Variants in MYLIP observed in about 807,000 individuals in gnomAD.
The protein encoded by MYLIP is E3 ubiquitin-protein ligase MYLIP.
In MYLIP, 26 loss-of-function variants were observed where a neutral mutation model predicts 45.8. The ratio of observed to expected loss-of-function variants is 0.57; its 90% CI spans 0.42 to 0.79. MYLIP has a LOEUF of 0.79. Ranked by LOEUF, MYLIP falls within the 30% of genes least tolerant of loss-of-function variation. MYLIP has a pLI of 0.00. For synonymous variants in MYLIP, 213 were observed against 218.1 expected, an observed-to-expected ratio of 0.98 and a Z score of 0.21; for missense variants, 494 against 555.6, an observed-to-expected ratio of 0.89 and a Z score of 1.11.
At position 16,146,872 on chromosome 6, in the gene MYLIP, A is replaced by AAC. The variant is rs1561791477; in HGVS notation, c.*122_*123insCA. Reference sequence around the variant, plus strand: ...ACCCATCTGCCATGCGATGTTAAAAAAAAAAAAAAGGAAGAAAAATAACAC... The same window carrying AAC: ...ACCCATCTGCCATGCGATGTTAAAAAACAAAAAAAAAGGAAGAAAAATAACAC... On this transcript the variant is annotated 3_prime_UTR_variant, in exon 7 of 7. Transcript: ENST00000356840. 3.5e-6 allele frequency: 3 copies of AAC among 858,190 alleles called. No individual in the cohort carries two copies. The highest frequency in any genetic ancestry group is 5.2e-6 in the Non-Finnish European group (3 of 571,646). The allele number at this position is 858,190 out of a possible 1,614,324, so 53.2% of individuals were successfully genotyped here. A position where few individuals can be genotyped will look rare whatever the true frequency, so the allele number is the denominator to read the frequency against.
chr6:16,143,115 T>C lies in MYLIP; in HGVS notation c.560T>C (p.Ile187Thr). 3.1e-6 allele frequency: 5 copies of C among 1,614,212 alleles called. No individual in the cohort carries two copies. Among genetic ancestry groups the C allele is most frequent in the Non-Finnish European group, 3.4e-6 (4 of 1,180,028 alleles). Residue 187 changes from isoleucine (I) to threonine (T), a missense_variant, in exon 4 of 7, where the codon ATA becomes ACA. Physicochemically the swap from Ile to Thr is moderately conservative, Grantham distance 89. Coordinates refer to ENST00000356840, the MANE Select transcript of MYLIP (RefSeq NM_013262.4). ...QIVSAMENYG[I>T]EWHSVRDSEG... Reference sequence around the variant, plus strand: ...GTGTCGGCAATGGAAAACTATGGCATAGAATGGCATTCTGTGCGGGATAGC... The same window carrying C: ...GTGTCGGCAATGGAAAACTATGGCACAGAATGGCATTCTGTGCGGGATAGC...
At chr6:16,160,726 C>T in the MYLIP span, among the ~76,000 whole-genome samples, 1 of 152,124 alleles carries the variant, frequency 6.6e-6, no homozygotes, top group South Asian at 2.1e-4. Context: ...TGCTTGAACC[C>T]AGGAGGCGGA....
intron 2 of MYLIP, among the ~76,000 whole-genome samples, chr6:16,138,317 T>G (rs956170915): frequency 6.6e-6 from 1 of 150,832 alleles, no homozygotes; most frequent in Non-Finnish European, 1.5e-5. Flanking sequence ...TTTGCCTACT[T>G]TACAAAAAAA....
At chr6:16,133,506 C>T (rs1039241124) in intron 2 of MYLIP, among the ~76,000 whole-genome samples, 3 of 152,064 alleles carry the variant, frequency 2.0e-5, no homozygotes, top group African/African-American at 7.2e-5. Flanking sequence ...GAGATGGAGA[C>T]AGCAGGTTAT....
At chr6:16,136,956 TG>T (rs1759569822) in intron 2 of MYLIP, among the ~76,000 whole-genome samples, 1 of 152,240 alleles carries the variant, frequency 6.6e-6, no homozygotes, top group Admixed American at 6.5e-5. Context: ...ATACATGTTT[TG>T]TAAATGTATT....
the MYLIP span, among the ~76,000 whole-genome samples, chr6:16,157,257 A>G: frequency 2.6e-5 from 4 of 152,200 alleles, no homozygotes; most frequent in East Asian, 5.8e-4. Flanking sequence ...CTTAAATCTC[A>G]CTACTTGCCA....
intron 2 of MYLIP, among the ~76,000 whole-genome samples, chr6:16,135,024 G>A (rs1759522852): frequency 6.6e-6 from 1 of 152,184 alleles, no homozygotes; most frequent in African/African-American, 2.4e-5. Flanking sequence ...CAGCTGTAGG[G>A]ACACTAGGTG....
At chr6:16,150,042 C>T (rs1387685698), downstream of MYLIP, among the ~76,000 whole-genome samples, 3 of 152,210 alleles carry the variant, frequency 2.0e-5, no homozygotes, top group Non-Finnish European at 2.9e-5. Flanking sequence ...GTGGCCATTA[C>T]ATTTCACTGA....
chr6:16,158,036 G>A, the MYLIP span, among the ~76,000 whole-genome samples: 1 of 152,192 alleles, frequency 6.6e-6, no homozygotes, highest in Non-Finnish European at 1.5e-5. Context: ...GAACAACATG[G>A]TCTTTGGCCA....
chr6:16,156,397 T>C, the MYLIP span, among the ~76,000 whole-genome samples: 44 of 152,356 alleles, frequency 2.9e-4, no homozygotes, highest in Admixed American at 1.2e-3. Context: ...CTCTTCTCTT[T>C]ATGGCTCTGC....
intron 3 of MYLIP, 148 bp downstream of exon 3, chr6:16,141,958 A>T (rs1759682987): frequency 1.5e-6 from 1 of 681,100 alleles, no homozygotes; most frequent in Non-Finnish European, 2.3e-6. Context: ...AAGAAGTCAT[A>T]CATAATATAC....
rs776624441 is a variant in MYLIP at position 16,143,110 on chromosome 6, T to G, written c.555T>G (p.Tyr185Ter). ...VLQIVSAMENYGIEWHSVRDS... is the reference protein window; with the variant it reads ...VLQIVSAMEN ...AGATTGTGTCGGCAATGGAAAACTA[T>G]GGCATAGAATGGCATTCTGTGCGGG... Residue 185 changes from tyrosine (Y) to a stop codon, truncating the protein, a stop_gained, in exon 4 of 7, where the codon TAT (tyrosine) becomes TAG (stop). Coordinates refer to ENST00000356840, the MANE Select transcript of MYLIP (RefSeq NM_013262.4). LOFTEE classifies it high-confidence loss of function. 7 of 1,614,122 alleles carry G rather than the reference T, an allele frequency of 4.3e-6. No homozygotes were observed. The highest frequency in any genetic ancestry group is 5.9e-6 in the Non-Finnish European group (7 of 1,180,052).
chr6:16,129,419 A>G lies in MYLIP; in HGVS notation c.87+10A>G. 6.4e-7 allele frequency: 1 copy of G among 1,568,430 alleles called. No individual in the cohort carries two copies. Among genetic ancestry groups the G allele is most frequent in the South Asian group, 1.2e-5 (1 of 85,808 alleles). The stretch of plus-strand genomic sequence containing the variant: ...GGACTGCCTCAACCAGGTGAGGGCG[A>G]GGGGCAAGAAGGGGCCCCGGCGGGT... On this transcript the variant is annotated intron_variant, in intron 1 of 6. Transcript: ENST00000356840. This position sits in a 1 kb window ranked among gnomAD's most constrained non-coding sequence, Gnocchi z 5.1.
downstream of MYLIP, among the ~76,000 whole-genome samples, chr6:16,149,999 C>A (rs1312796716): frequency 6.6e-6 from 1 of 152,072 alleles, no homozygotes; most frequent in East Asian, 1.9e-4. Context: ...GTTGGAACTT[C>A]CAGAGGATGA....
At chr6:16,138,311 C>T (rs1234966827) in intron 2 of MYLIP, among the ~76,000 whole-genome samples, 3 of 151,254 alleles carry the variant, frequency 2.0e-5, no homozygotes, top group Admixed American at 1.3e-4. Flanking sequence ...TAACATTTTG[C>T]CTACTTTACA....
At chr6:16,138,508 T>C (rs1180301511) in intron 2 of MYLIP, among the ~76,000 whole-genome samples, 1 of 152,116 alleles carries the variant, frequency 6.6e-6, no homozygotes, top group Non-Finnish European at 1.5e-5. Context: ...CCTATTAGAG[T>C]GCTGATCTTT....
Position 16,141,629 on chromosome 6 carries a change from A to G in MYLIP, c.283A>G (p.Ile95Val). Residue 95 changes from isoleucine (I) to valine (V), a missense_variant, in exon 3 of 7, where the codon ATC becomes GTC. Ile to Val is a conservative substitution (Grantham distance 29, BLOSUM62 3). Transcript: ENST00000356840. The part of the protein sequence containing the change: ...HLILQEQTRH[I>V]FFLHIKEALL... ...CACTCTCACCTTGCTTTGCAGGCAT[A>G]TCTTTTTCTTGCACATCAAGGAGGC... 4 of 1,612,086 alleles carry G rather than the reference A, an allele frequency of 2.5e-6. No individual in the cohort carries two copies. The highest frequency in any genetic ancestry group is 3.4e-6 in the Non-Finnish European group (4 of 1,178,494).
chr6:16,134,066 A>G (rs1427744693), intron 2 of MYLIP, among the ~76,000 whole-genome samples: 1 of 152,096 alleles, frequency 6.6e-6, no homozygotes, highest in Non-Finnish European at 1.5e-5. Context: ...GGGAGACTAA[A>G]CTCCCCCAAG....
chr6:16,133,650 T>C (rs1055394650), intron 2 of MYLIP, among the ~76,000 whole-genome samples: 4 of 152,244 alleles, frequency 2.6e-5, no homozygotes, highest in Non-Finnish European at 5.9e-5. Flanking sequence ...ACTGCAATTC[T>C]GACTGGATTT....
Sources: gnomAD v4.1 joint callset for allele counts (sites outside exome capture counted in the v4.1 genomes callset) on GRCh38, gnomAD v4.1.1 for gene constraint, Gnocchi (gnomAD v3.1) non-coding constraint, MANE v1.5 for transcripts, NCBI Gene and HGNC (gene_info 2026-07-23, HGNC 2026-07-21) for gene names.